The following PTK2 variants were observed in gnomAD, a reference collection of about 807,000 sequenced individuals.
PTK2 encodes focal adhesion kinase 1.
PTK2 carries 45 observed loss-of-function variants against 150.1 expected under a neutral mutation model. That is an observed-to-expected ratio of 0.30 (90% CI 0.24 to 0.38). The LOEUF (loss-of-function observed/expected upper bound fraction) is 0.38. Ranked by LOEUF, PTK2 falls within the 10% of genes least tolerant of loss-of-function variation. The pLI, the probability that PTK2 is intolerant of heterozygous loss-of-function variation, is 1.00. For synonymous variants in PTK2, 432 were observed against 449.2 expected (o/e 0.96, Z 0.48); for missense variants, 919 against 1,307.3 (o/e 0.70, Z 4.58).
chr8:140,986,130 C>T (rs1047975494), intron 1 of PTK2, among the ~76,000 whole-genome samples: 9 of 152,184 alleles, frequency 5.9e-5, no homozygotes, highest in African/African-American at 1.7e-4. Flanking sequence ...TCTATACCAG[C>T]GCTGCCCAAT....
chr8:140,770,103 C>T (rs57414916), intron 14 of PTK2, among the ~76,000 whole-genome samples: 19,359 of 152,176 alleles, frequency 0.13, 2,002 homozygotes, highest in East Asian at 0.5. Flanking sequence ...AGGCCCACTA[C>T]TATAAACTGT....
intron 10 of PTK2, among the ~76,000 whole-genome samples, chr8:140,813,869 A>G (rs923773556): frequency 6.6e-6 from 1 of 152,132 alleles, no homozygotes; most frequent in South Asian, 2.1e-4. Context: ...ACCAAAACCA[A>G]GAGTTGTTTT....
At chr8:140,854,427 A>AT (rs1476420739) in intron 5 of PTK2, among the ~76,000 whole-genome samples, 1 of 152,224 alleles carries the variant, frequency 6.6e-6, no homozygotes, top group East Asian at 1.9e-4. Context: ...TGAAATACTT[A>AT]TAACTTTAAC....
intron 23 of PTK2, 79 bp downstream of exon 26, chr8:140,717,519 C>T: frequency 1.8e-6 from 2 of 1,097,416 alleles, no homozygotes; most frequent in Non-Finnish European, 2.8e-6. Flanking sequence ...ACTTTCTCCT[C>T]ATAGAAAACA....
intron 14 of PTK2, among the ~76,000 whole-genome samples, chr8:140,786,694 C>T (rs1390393698): frequency 6.6e-6 from 1 of 151,896 alleles, no homozygotes; most frequent in Non-Finnish European, 1.5e-5. Flanking sequence ...CCTAAGTAAG[C>T]AAGCAGTAGG....
At chr8:140,691,627 A>G (rs1479032628) in intron 26 of PTK2, among the ~76,000 whole-genome samples, 1 of 152,216 alleles carries the variant, frequency 6.6e-6, no homozygotes, top group Non-Finnish European at 1.5e-5. Context: ...CCGGACAAAC[A>G]GGTGGAGGAA....
intron 22 of PTK2, among the ~76,000 whole-genome samples, chr8:140,727,151 T>C (rs988673733): frequency 2.0e-4 from 31 of 152,184 alleles, no homozygotes; most frequent in South Asian, 6.2e-4. Flanking sequence ...TGTTAAGTTA[T>C]TGGTTTCAAA....
chr8:140,761,104 A>T, intron 16 of PTK2, 61 bp downstream of exon 19: 2 of 1,140,210 alleles, frequency 1.8e-6, no homozygotes, highest in Non-Finnish European at 2.6e-6. Context: ...GACAAACAAA[A>T]GCAATTTAAA....
chr8:140,968,079 A>G (rs998033040), intron 1 of PTK2, among the ~76,000 whole-genome samples: 1 of 152,250 alleles, frequency 6.6e-6, no homozygotes, highest in African/African-American at 2.4e-5. Flanking sequence ...AAAGGTGGGA[A>G]TACTGTGTCT....
chr8:140,907,666 TAC>T (rs1204450036), intron 2 of PTK2, among the ~76,000 whole-genome samples: 1 of 152,230 alleles, frequency 6.6e-6, no homozygotes, highest in African/African-American at 2.4e-5. Context: ...CCAAATGTGC[TAC>T]ATTTTGGTAA....
At chr8:140,959,265 T>A (rs1386423854) in intron 1 of PTK2, among the ~76,000 whole-genome samples, 1 of 151,818 alleles carries the variant, frequency 6.6e-6, no homozygotes, top group Admixed American at 6.6e-5. Flanking sequence ...GCGCAGTGGC[T>A]CACGCCTGTA....
At chr8:140,665,433 G>A (rs2089911981) in intron 30 of PTK2, among the ~76,000 whole-genome samples, 1 of 152,060 alleles carries the variant, frequency 6.6e-6, no homozygotes, top group African/African-American at 2.4e-5. Context: ...ACCTCATGAG[G>A]CTGGCCAGAG....
intron 23 of PTK2, among the ~76,000 whole-genome samples, chr8:140,707,732 G>T (rs968452208): frequency 4.6e-5 from 7 of 152,160 alleles, no homozygotes; most frequent in African/African-American, 1.7e-4. Flanking sequence ...TGGATAAATT[G>T]TATGGTATGT....
chr8:140,902,941 T>TG (rs1568517402), intron 2 of PTK2, among the ~76,000 whole-genome samples: 84 of 100,866 alleles, frequency 8.3e-4, no homozygotes, highest in Non-Finnish European at 1.6e-3. Flanking sequence ...TTTTTTTTTT[T>TG]TTTTTTTTTT....
In PTK2 at chr8:140,746,665, T is replaced by G. The variant is rs545691828; in HGVS notation, c.1518+95A>C. Reference sequence around the variant, plus strand: ...CATACATCCTAAATCAGAACTCTCCTGAAAATCCAAGATATAAACTGTTTA... The same window carrying G: ...CATACATCCTAAATCAGAACTCTCCGGAAAATCCAAGATATAAACTGTTTA... On this transcript the variant is annotated intron_variant, in intron 18 of 31. Coordinates refer to ENST00000522684, the Ensembl canonical transcript of PTK2. The G allele has an allele frequency of 4.3e-5, 39 of 910,166 alleles. No individual in the cohort carries two copies. The African/African-American group carries it at 6.6e-4, about 15-fold the overall frequency. 56.4% of individuals were successfully genotyped at this position (910,166 alleles called of 1,614,324 possible).
chr8:140,819,564 GTATC>G (rs1287402724), intron 8 of PTK2, among the ~76,000 whole-genome samples: 1 of 152,214 alleles, frequency 6.6e-6, no homozygotes, highest in Non-Finnish European at 1.5e-5. Context: ...AAACTATGGT[GTATC>G]TATCTTCTCA....
chr8:140,721,237 C>T (rs2100042811), intron 22 of PTK2, among the ~76,000 whole-genome samples: 2 of 152,206 alleles, frequency 1.3e-5, no homozygotes, highest in Admixed American at 1.3e-4. Context: ...AAAGGAGCAA[C>T]CATGTCTTTT....
chr8:140,750,697 A>T (rs1023894770), intron 17 of PTK2, among the ~76,000 whole-genome samples: 2 of 152,224 alleles, frequency 1.3e-5, no homozygotes, highest in Non-Finnish European at 2.9e-5. Flanking sequence ...AAGAGCTTAC[A>T]TTTGGGAAAG....
chr8:140,899,330 A>AGCC (rs2100157539), intron 2 of PTK2, among the ~76,000 whole-genome samples: 1 of 152,220 alleles, frequency 6.6e-6, no homozygotes, highest in African/African-American at 2.4e-5. Flanking sequence ...CTTGGAACTC[A>AGCC]GCCACTATAC....
Sources: gnomAD v4.1 joint callset for allele counts (sites outside exome capture counted in the v4.1 genomes callset) on GRCh38, gnomAD v4.1.1 for gene constraint, MANE v1.5 for transcripts, NCBI Gene and HGNC (gene_info 2026-07-23, HGNC 2026-07-21) for gene names.